Variants in PRKG1 observed in about 807,000 individuals in gnomAD.
PRKG1 encodes cGMP-dependent protein kinase 1.
In PRKG1, 35 loss-of-function variants were observed where a neutral mutation model predicts 88.1. The ratio of observed to expected loss-of-function variants is 0.40; its 90% CI spans 0.30 to 0.53. The LOEUF (loss-of-function observed/expected upper bound fraction) is 0.53, where lower values mean the gene tolerates loss of function less well. Ranked by LOEUF, PRKG1 falls within the 20% of genes least tolerant of loss-of-function variation. The probability of loss-of-function intolerance (pLI) is 0.59; values close to 1 mark genes in which losing one functional copy is unlikely to be tolerated. For synonymous variants in PRKG1, 303 were observed against 292.5 expected, an observed-to-expected ratio of 1.04 and a Z score of -0.37; for missense variants, 540 against 839.8, an observed-to-expected ratio of 0.64 and a Z score of 4.41.
rs564540511 is a variant in PRKG1, at chr10:51,832,319, C to T, written c.698+27629C>T. ...GAGGGAAACTGATGTTTATTAAGCA[C>T]CTTCATGTGCCAGGTGCATATAGCA... On this transcript the variant is annotated intron_variant, in intron 4 of 17. Coordinates refer to ENST00000373980, the MANE Select transcript of PRKG1 (RefSeq NM_006258.4). 2.8e-4 allele frequency among the ~76,000 whole-genome samples: 43 copies of T among 152,248 alleles called. No homozygotes were observed. The South Asian group carries it at 6.4e-3, about 23-fold the overall frequency.
intron 1 of PRKG1, among the ~76,000 whole-genome samples, chr10:51,075,922 GATA>G (rs1252716648): frequency 2.0e-5 from 3 of 152,152 alleles, no homozygotes; most frequent in Admixed American, 6.5e-5. Flanking sequence ...TAAATTAATA[GATA>G]ATAACGTAAT....
chr10:51,858,683 T>C (rs1840784182), intron 4 of PRKG1, among the ~76,000 whole-genome samples: 1 of 151,600 alleles, frequency 6.6e-6, no homozygotes, highest in Admixed American at 6.6e-5. Context: ...AAGCATTTAC[T>C]GGGTGCCTGC....
chr10:51,728,453 GTTTT>G (rs56975031), intron 3 of PRKG1, among the ~76,000 whole-genome samples: 3 of 58,806 alleles, frequency 5.1e-5, no homozygotes, highest in South Asian at 5.0e-4. Context: ...TTTTTTCTTT[GTTTT>G]TTTTTTTTTT....
intron 1 of PRKG1, among the ~76,000 whole-genome samples, chr10:51,016,673 C>CTTCTTTCTTTTTT (rs1564571435): frequency 2.8e-5 from 1 of 35,184 alleles, no homozygotes; most frequent in African/African-American, 1.4e-4. Flanking sequence ...ATTATCCTTT[C>CTTCTTTCTTTTTT]TTTTTTTTTT....
chr10:51,739,407 T>TCTAA (rs1265885051), intron 3 of PRKG1, among the ~76,000 whole-genome samples: 3 of 152,208 alleles, frequency 2.0e-5, no homozygotes, highest in Non-Finnish European at 4.4e-5. Flanking sequence ...TGCATCACTA[T>TCTAA]CTAACTTTGC....
At chr10:51,432,030 A>G (rs185441258) in intron 2 of PRKG1, among the ~76,000 whole-genome samples, 158 of 152,276 alleles carry the variant, frequency 1.0e-3, no homozygotes, top group East Asian at 4.4e-3. Context: ...TTTACCAGTA[A>G]TGGATTTAAT....
intron 3 of PRKG1, among the ~76,000 whole-genome samples, chr10:51,755,029 GAC>G (rs1348668514): frequency 1.4e-5 from 2 of 146,652 alleles, no homozygotes; most frequent in African/African-American, 5.1e-5. Flanking sequence ...AAAAAAAATA[GAC>G]ACACATATGT....
chr10:51,454,999 A>T (rs145359267), intron 2 of PRKG1, among the ~76,000 whole-genome samples: 1 of 152,366 alleles, frequency 6.6e-6, no homozygotes, highest in East Asian at 1.9e-4. Flanking sequence ...TCGAAGTTTC[A>T]TCTGAGACAA....
At chr10:51,843,355 C>T (rs1840326187) in intron 4 of PRKG1, among the ~76,000 whole-genome samples, 1 of 152,134 alleles carries the variant, frequency 6.6e-6, no homozygotes, top group Non-Finnish European at 1.5e-5. Context: ...ATGGTCACCT[C>T]ATTTGCGTTG....
chr10:51,414,664 A>G (rs1838190520), intron 2 of PRKG1, among the ~76,000 whole-genome samples: 1 of 152,222 alleles, frequency 6.6e-6, no homozygotes, highest in Non-Finnish European at 1.5e-5. Flanking sequence ...GTCTATTAAC[A>G]TTTGTATTAA....
chr10:51,734,414 T>C (rs2132476706), intron 3 of PRKG1, among the ~76,000 whole-genome samples: 1 of 152,330 alleles, frequency 6.6e-6, no homozygotes, highest in Non-Finnish European at 1.5e-5. Context: ...ATTGTTATTT[T>C]ATTTTATTTT....
chr10:51,548,718 T>G (rs1842505130), intron 3 of PRKG1, among the ~76,000 whole-genome samples: 1 of 152,136 alleles, frequency 6.6e-6, no homozygotes, highest in Non-Finnish European at 1.5e-5. Context: ...AGTTATCAAC[T>G]TTAGTTTTCT....
At chr10:51,423,708 T>C (rs293324) in intron 2 of PRKG1, among the ~76,000 whole-genome samples, 115,266 of 152,052 alleles carry the variant, frequency 0.76, 44,000 homozygotes, top group Non-Finnish European at 0.81. Context: ...GGCTATAGCA[T>C]TATTATTCCA....
chr10:51,720,964 T>C (rs1841997563), intron 3 of PRKG1, among the ~76,000 whole-genome samples: 1 of 151,912 alleles, frequency 6.6e-6, no homozygotes, highest in Admixed American at 6.6e-5. Context: ...CAGAATTTTT[T>C]GGGAGGCAGA....
intron 4 of PRKG1, among the ~76,000 whole-genome samples, chr10:51,838,446 T>C (rs1018168249): frequency 6.6e-6 from 1 of 152,204 alleles, no homozygotes; most frequent in East Asian, 1.9e-4. Flanking sequence ...TGAAGCCCTA[T>C]AAAACCTCTG....
chr10:51,258,882 C>T (rs1211924152), intron 2 of PRKG1, among the ~76,000 whole-genome samples: 3 of 152,228 alleles, frequency 2.0e-5, no homozygotes, highest in Admixed American at 1.3e-4. Context: ...CATTGTGGAT[C>T]TCAAGAAAGA....
At chr10:51,125,694 T>A (rs1007736748) in intron 1 of PRKG1, among the ~76,000 whole-genome samples, 3 of 147,158 alleles carry the variant, frequency 2.0e-5, no homozygotes, top group African/African-American at 7.4e-5. Flanking sequence ...AAAAAAAAAA[T>A]TATTTATTTT....
intron 1 of PRKG1, among the ~76,000 whole-genome samples, chr10:51,078,590 A>ATATTTATTTATTTATT (rs35676352): frequency 7.3e-6 from 1 of 137,282 alleles, no homozygotes; most frequent in Non-Finnish European, 1.6e-5. Flanking sequence ...ATATTTATTT[A>ATATTTATTTATTTATT]TATTTATTTA....
intron 7 of PRKG1, chr10:52,081,467 C>G (rs1846773113): frequency 4.9e-6 from 2 of 411,734 alleles, no homozygotes; most frequent in East Asian, 1.4e-4. Flanking sequence ...ATATCTCTCC[C>G]CTCCTCACAC....
Sources: allele counts gnomAD v4.1 joint callset (sites outside exome capture counted in the v4.1 genomes callset), GRCh38; gene constraint gnomAD v4.1.1; transcripts MANE v1.5; gene names NCBI Gene and HGNC (gene_info 2026-07-23, HGNC 2026-07-21).